The following CSMD1 variants were observed in gnomAD, a reference collection of about 807,000 sequenced individuals.
The protein encoded by CSMD1 is CUB and sushi domain-containing protein 1.
Under a neutral mutation model 417.5 loss-of-function variants are expected in CSMD1, and 213 were observed. That is an observed-to-expected ratio of 0.51 (90% CI 0.46 to 0.57). The LOEUF is 0.57. CSMD1 is among the 20% of genes least tolerant of loss of function. The pLI is 0.00. For missense variants in CSMD1, 6,923 were observed against 4,529.7 expected, an observed-to-expected ratio of 1.53 and a Z score of -15.17; for synonymous variants, 2,862 against 1,736.8, an observed-to-expected ratio of 1.65 and a Z score of -16.11.
intron 10 of CSMD1, among the ~76,000 whole-genome samples, chr8:3,545,311 A>T (rs1316072374): frequency 6.6e-6 from 1 of 152,184 alleles, no homozygotes; most frequent in African/African-American, 2.4e-5. Context: ...TTATCCCTAG[A>T]ATTCTCTATA....
rs755955753 is a variant in CSMD1, at chr8:3,307,695, C to T, written c.3950G>A (p.Ser1317Asn). ...ACTGAAACCAAAATAAAACAAGTAC[C>T]TAATGGTCTTTCCTGGGTCTGCCTC... ...IIEADPGKTI[S>N]LHFIVFDTEM... The change falls in exon 25 of 70, where the codon AGC becomes AAC. Residue 1317 changes from serine (S) to asparagine (N), a missense_variant and splice_region_variant. Transcript: ENST00000635120. 2 of 1,612,814 alleles carry T rather than the reference C, an allele frequency of 1.2e-6. No homozygotes were observed. Among genetic ancestry groups the T allele is most frequent in the Non-Finnish European group, 1.7e-6 (2 of 1,179,304 alleles).
At chr8:4,363,274 GC>G (rs1311758417) in intron 3 of CSMD1, among the ~76,000 whole-genome samples, 2 of 152,140 alleles carry the variant, frequency 1.3e-5, no homozygotes, top group African/African-American at 4.8e-5. Flanking sequence ...CCTTAAAGGA[GC>G]CTTTTCAAAG....
At chr8:4,831,209 C>G (rs1341011894) in intron 1 of CSMD1, among the ~76,000 whole-genome samples, 1 of 152,192 alleles carries the variant, frequency 6.6e-6, no homozygotes, top group Non-Finnish European at 1.5e-5. Flanking sequence ...GATGTCCTTT[C>G]ATTTTCCACA....
chr8:3,658,001 G>C (rs761679142), intron 7 of CSMD1, among the ~76,000 whole-genome samples: 1 of 152,044 alleles, frequency 6.6e-6, no homozygotes, highest in South Asian at 2.1e-4. Flanking sequence ...GAGAAGTTTG[G>C]GATTTGGAGA....
intron 3 of CSMD1, among the ~76,000 whole-genome samples, chr8:4,136,180 A>T (rs980874674): frequency 4.6e-5 from 7 of 152,222 alleles, no homozygotes; most frequent in African/African-American, 1.4e-4. Context: ...TACGATATAC[A>T]CAAAAGAACA....
intron 17 of CSMD1, among the ~76,000 whole-genome samples, chr8:3,394,914 A>C (rs901733454): frequency 3.3e-5 from 5 of 152,176 alleles, no homozygotes; most frequent in Non-Finnish European, 7.4e-5. Context: ...AATTTTCCTG[A>C]TATTGGAATA....
chr8:4,025,368 G>A (rs922348370), intron 4 of CSMD1, among the ~76,000 whole-genome samples: 1 of 152,126 alleles, frequency 6.6e-6, no homozygotes, highest in Non-Finnish European at 1.5e-5. Context: ...CTATTTCCCT[G>A]TAGGACCCTA....
At chr8:4,645,875 C>G in intron 1 of CSMD1, among the ~76,000 whole-genome samples, 1 of 152,134 alleles carries the variant, frequency 6.6e-6, no homozygotes, top group East Asian at 1.9e-4. Context: ...CTCCTCCGCT[C>G]ACTGTACTTA....
At chr8:4,270,433 C>T (rs1011487771) in intron 3 of CSMD1, among the ~76,000 whole-genome samples, 1 of 152,096 alleles carries the variant, frequency 6.6e-6, no homozygotes, top group African/African-American at 2.4e-5. Context: ...CTTTCTGAAA[C>T]CATCTATTTT....
chr8:4,035,119 G>C (rs1013829614), intron 3 of CSMD1, among the ~76,000 whole-genome samples: 1 of 152,156 alleles, frequency 6.6e-6, no homozygotes, highest in Admixed American at 6.6e-5. Context: ...CCTAACAACA[G>C]CTCAATGATA....
intron 5 of CSMD1, among the ~76,000 whole-genome samples, chr8:3,839,435 A>G (rs1429905514): frequency 8.2e-6 from 1 of 122,064 alleles, no homozygotes; most frequent in East Asian, 2.1e-4. Flanking sequence ...TAATAAATTA[A>G]TATTATATAT....
chr8:3,157,801 G>C (rs1563095226), intron 39 of CSMD1, 96 bp downstream of exon 39: 3 of 1,008,034 alleles, frequency 3.0e-6, no homozygotes, highest in Non-Finnish European at 4.5e-6. Flanking sequence ...TTGAAATTAA[G>C]AAATTTAGAA....
chr8:3,947,383 T>G (rs1811302132), intron 5 of CSMD1, among the ~76,000 whole-genome samples: 1 of 152,204 alleles, frequency 6.6e-6, no homozygotes, highest in African/African-American at 2.4e-5. Flanking sequence ...GTGACCCCAG[T>G]GGTCATGACG....
intron 1 of CSMD1, among the ~76,000 whole-genome samples, chr8:4,898,351 G>A (rs1804640853): frequency 6.6e-6 from 1 of 151,778 alleles, no homozygotes; most frequent in African/African-American, 2.4e-5. Context: ...ATTATTTGTT[G>A]CAATTTCTGT....
chr8:3,949,999 AC>A, intron 5 of CSMD1: 2 of 455,968 alleles, frequency 4.4e-6, no homozygotes, highest in South Asian at 1.5e-5. Context: ...ATTACCCACT[AC>A]ATTTGCCAGG....
intron 8 of CSMD1, among the ~76,000 whole-genome samples, chr8:3,611,182 C>G (rs540573974): frequency 2.0e-5 from 3 of 150,616 alleles, no homozygotes; most frequent in Admixed American, 6.6e-5. Flanking sequence ...TGTATACATA[C>G]GTAACTAACC....
intron 1 of CSMD1, among the ~76,000 whole-genome samples, chr8:4,912,870 C>T (rs1232454233): frequency 6.6e-6 from 1 of 152,082 alleles, no homozygotes; most frequent in Non-Finnish European, 1.5e-5. Context: ...ACTACAACCT[C>T]CACCTCCTGG....
At chr8:4,538,213 A>G (rs531321307) in intron 2 of CSMD1, among the ~76,000 whole-genome samples, 10 of 143,220 alleles carry the variant, frequency 7.0e-5, no homozygotes, top group African/African-American at 2.3e-4. Flanking sequence ...TTTGCCTGCT[A>G]TTTACTGCCT....
chr8:4,788,436 C>A, intron 1 of CSMD1: 1 of 1,329,482 alleles, frequency 7.5e-7, no homozygotes, highest in Non-Finnish European at 1.1e-6. Context: ...GGCTGTTCAA[C>A]CACACTTTCT....
Sources: gnomAD v4.1 joint callset for allele counts (sites outside exome capture counted in the v4.1 genomes callset) on GRCh38, gnomAD v4.1.1 for gene constraint, MANE v1.5 for transcripts, NCBI Gene and HGNC (gene_info 2026-07-23, HGNC 2026-07-21) for gene names.